The following LAMA2 variants were observed in gnomAD, a reference collection of about 807,000 sequenced individuals.
The protein encoded by LAMA2 is laminin subunit alpha 2.
In LAMA2, 269 loss-of-function variants were observed where a neutral mutation model predicts 364.8. That is an observed-to-expected ratio of 0.74 (90% confidence interval 0.67 to 0.82). The LOEUF (loss-of-function observed/expected upper bound fraction) is 0.82, where lower values mean the gene tolerates loss of function less well. Among genes scored for constraint, LAMA2 ranks in the 40% least tolerant of loss-of-function variants. The pLI, the probability that LAMA2 is intolerant of heterozygous loss-of-function variation, is 0.00. For missense variants in LAMA2, 3,807 were observed against 3,873.2 expected, an observed-to-expected ratio of 0.98 and a Z score of 0.45; for synonymous variants, 1,379 against 1,370.6, an observed-to-expected ratio of 1.01 and a Z score of -0.14.
chr6:129,462,648 TAC>T (rs1783316835), intron 49 of LAMA2, among the ~76,000 whole-genome samples: 1 of 152,026 alleles, frequency 6.6e-6, no homozygotes, highest in Admixed American at 6.6e-5. Flanking sequence ...GTTCTCTAAT[TAC>T]ACACTTGTGT....
intron 49 of LAMA2, among the ~76,000 whole-genome samples, chr6:129,462,132 G>A (rs150320746): frequency 2.2e-4 from 34 of 152,062 alleles, no homozygotes; most frequent in Middle Eastern, 6.8e-3. Flanking sequence ...GTGGGAAGCC[G>A]GAGTGTTTTT....
At chr6:128,914,394 A>G (rs1372026695) in intron 1 of LAMA2, among the ~76,000 whole-genome samples, 3 of 152,214 alleles carry the variant, frequency 2.0e-5, no homozygotes, top group Non-Finnish European at 4.4e-5. Flanking sequence ...AAATCAGCGA[A>G]CAAAATGTAA....
At chr6:128,920,973 A>G (rs1470448296) in intron 1 of LAMA2, among the ~76,000 whole-genome samples, 1 of 152,190 alleles carries the variant, frequency 6.6e-6, no homozygotes, top group Non-Finnish European at 1.5e-5. Flanking sequence ...TTGGATGGAC[A>G]ACTACATTCC....
rs1442209701 is a variant in LAMA2 at position 129,267,245 on chromosome 6, C to T, written c.2322+26C>T. 10 of 1,451,492 alleles carry T rather than the reference C, an allele frequency of 6.9e-6. No homozygotes were observed. In the Admixed American group the frequency reaches 1.7e-4, roughly 24 times the overall value. 89.9% of individuals were successfully genotyped at this position (1,451,492 alleles called of 1,614,324 possible). ...GTAAGTGCTCTCTTCTTTGGGGATGCTGATTGACAAGGCTGAAATCACCTC... is the reference window on the plus strand; with the variant it reads ...GTAAGTGCTCTCTTCTTTGGGGATGTTGATTGACAAGGCTGAAATCACCTC... On this transcript the variant is annotated intron_variant, in intron 16 of 64. Coordinates refer to ENST00000421865, the MANE Select transcript of LAMA2 (RefSeq NM_000426.4).
chr6:129,412,630 G>T (rs922906490), intron 40 of LAMA2, among the ~76,000 whole-genome samples: 1 of 152,108 alleles, frequency 6.6e-6, no homozygotes, highest in Non-Finnish European at 1.5e-5. Context: ...AACAATCAGG[G>T]TAATTATCAC....
intron 45 of LAMA2, among the ~76,000 whole-genome samples, chr6:129,449,419 A>AAG (rs1450600822): frequency 2.0e-5 from 3 of 151,978 alleles, no homozygotes; most frequent in Non-Finnish European, 4.4e-5. Context: ...GCAGAAGAGC[A>AAG]AGAGAGAGAG....
chr6:129,393,775 C>T (rs1219898833), intron 37 of LAMA2, among the ~76,000 whole-genome samples: 1 of 152,230 alleles, frequency 6.6e-6, no homozygotes, highest in East Asian at 1.9e-4. Flanking sequence ...AAGTTCCCTA[C>T]ACTTTCAAAT....
chr6:128,994,196 G>T (rs532610494), intron 1 of LAMA2, among the ~76,000 whole-genome samples: 1 of 152,302 alleles, frequency 6.6e-6, no homozygotes, highest in Non-Finnish European at 1.5e-5. Flanking sequence ...AGAATGTCAA[G>T]GTCTTTTACT....
At chr6:128,979,402 GA>G (rs890532500) in intron 1 of LAMA2, among the ~76,000 whole-genome samples, 70 of 148,998 alleles carry the variant, frequency 4.7e-4, no homozygotes, top group African/African-American at 1.3e-3. Flanking sequence ...ATCGGGTTAG[GA>G]AAAAAAAAAT....
intron 1 of LAMA2, among the ~76,000 whole-genome samples, chr6:128,948,284 A>G (rs1780602712): frequency 6.6e-6 from 1 of 152,152 alleles, no homozygotes; most frequent in Non-Finnish European, 1.5e-5. Context: ...TGGGAACTCT[A>G]TAGGAATACT....
intron 1 of LAMA2, among the ~76,000 whole-genome samples, chr6:128,991,949 G>A (rs1404736512): frequency 6.6e-6 from 1 of 152,118 alleles, no homozygotes; most frequent in Non-Finnish European, 1.5e-5. Flanking sequence ...TTTCCACTGT[G>A]CTTTATGACC....
At chr6:129,442,159 A>G in intron 43 of LAMA2, 1 of 1,257,238 alleles carries the variant, frequency 8.0e-7, no homozygotes, top group South Asian at 1.2e-5. Context: ...TTGGTATTAT[A>G]TGCCATAAAA....
intron 40 of LAMA2, among the ~76,000 whole-genome samples, chr6:129,407,353 T>A (rs367692205): frequency 6.6e-6 from 1 of 152,146 alleles, no homozygotes; most frequent in South Asian, 2.1e-4. Context: ...AATAACATCA[T>A]AATTATACCT....
chr6:129,238,296 GT>G (rs1785143287), intron 12 of LAMA2, among the ~76,000 whole-genome samples: 1 of 152,148 alleles, frequency 6.6e-6, no homozygotes, highest in Admixed American at 6.6e-5. Flanking sequence ...AAGAAATAAT[GT>G]TTAAATAAAT....
intron 12 of LAMA2, among the ~76,000 whole-genome samples, chr6:129,195,963 T>C (rs2115041747): frequency 6.6e-6 from 1 of 152,332 alleles, no homozygotes; most frequent in South Asian, 2.1e-4. Flanking sequence ...CAATTCTCTT[T>C]GCATCTGTAA....
intron 55 of LAMA2, among the ~76,000 whole-genome samples, chr6:129,482,837 G>T (rs1355947128): frequency 6.6e-6 from 1 of 152,094 alleles, no homozygotes; most frequent in Non-Finnish European, 1.5e-5. Flanking sequence ...AAGGTGGGTA[G>T]ATCACAAGGT....
intron 3 of LAMA2, among the ~76,000 whole-genome samples, chr6:129,090,897 A>G (rs1774779931): frequency 6.6e-6 from 1 of 152,184 alleles, no homozygotes; most frequent in Non-Finnish European, 1.5e-5. Context: ...ACAGTAAACT[A>G]TACACAGTGA....
chr6:129,321,129 C>T (rs1030636594), intron 28 of LAMA2, among the ~76,000 whole-genome samples: 2 of 152,078 alleles, frequency 1.3e-5, no homozygotes, highest in Non-Finnish European at 2.9e-5. Flanking sequence ...TGAGTCATTA[C>T]AGTTATAAAA....
rs1203614027 is a variant in LAMA2 at position 129,507,337 on chromosome 6, G to GTAAC, written c.8704-151_8704-148dup. On this transcript the variant is annotated intron_variant, in intron 61 of 64. Coordinates refer to ENST00000421865, the MANE Select transcript of LAMA2 (RefSeq NM_000426.4). ...TGCATCCATGCCAGGAGGCCTGGTG[G>GTAAC]TAACAGAGAACCCAGGCAGCTTTGG... The GTAAC allele has an allele frequency of 5.2e-6, 4 of 766,934 alleles. No individual in the cohort carries two copies. In the African/African-American group the frequency reaches 6.9e-5, roughly 13 times the overall value. 47.5% of individuals were successfully genotyped at this position (766,934 alleles called of 1,614,324 possible).
Sources: allele counts gnomAD v4.1 joint callset (sites outside exome capture counted in the v4.1 genomes callset), GRCh38; gene constraint gnomAD v4.1.1; transcripts MANE v1.5; gene names NCBI Gene and HGNC (gene_info 2026-07-23, HGNC 2026-07-21).